GALNTL5: variants seen among roughly 807,000 people sequenced by gnomAD.
The protein encoded by GALNTL5 is polypeptide N-acetylgalactosaminyltransferase like 5, also known as inactive polypeptide N-acetylgalactosaminyltransferase-like protein 5.
In GALNTL5, 44 loss-of-function variants were observed where a neutral mutation model predicts 51.0. The observed-to-expected ratio is 0.86, with a 90% CI of 0.68 to 1.11. The LOEUF is 1.11. Among genes scored for constraint, GALNTL5 ranks in the 50% least tolerant of loss-of-function variants. GALNTL5 has a pLI of 0.00. For missense variants in GALNTL5, 528 were observed against 531.8 expected (o/e 0.99, Z 0.07); for synonymous variants, 192 against 182.8 (o/e 1.05, Z -0.41).
intron 6 of GALNTL5, among the ~76,000 whole-genome samples, chr7:152,007,370 T>C (rs2081658005): frequency 6.6e-6 from 1 of 151,856 alleles, no homozygotes. Flanking sequence ...TAATTTTATA[T>C]ACTTAAATGT....
chr7:151,978,803 T>C (rs565937537), intron 3 of GALNTL5, among the ~76,000 whole-genome samples: 13 of 152,200 alleles, frequency 8.5e-5, no homozygotes, highest in Non-Finnish European at 1.6e-4. Flanking sequence ...TGTATATGTC[T>C]GTCTCTGGGT....
chr7:151,987,479 T>C (rs1563013958), intron 5 of GALNTL5, among the ~76,000 whole-genome samples, 198 bp downstream of exon 5: 1 of 152,196 alleles, frequency 6.6e-6, no homozygotes, highest in Non-Finnish European at 1.5e-5. Context: ...TTTGCTATTT[T>C]GGGTTGAAGA....
chr7:152,000,551 T>C (rs2081561805), intron 5 of GALNTL5, among the ~76,000 whole-genome samples: 1 of 152,154 alleles, frequency 6.6e-6, no homozygotes, highest in African/African-American at 2.4e-5. Flanking sequence ...TGGACAAGTG[T>C]TTCAATTTCT....
Position 151,998,463 on chromosome 7 carries a change from T to C in GALNTL5, c.659-4251T>C, listed in dbSNP as rs115471199. ...TATTTTTAGTATGTAAAATGTACAT[T>C]TAAAATCCATTAAAAATACAACTCC... On this transcript the variant is annotated intron_variant, in intron 5 of 8. Transcript: ENST00000392800. Among the ~76,000 whole-genome samples, 245 of 152,196 alleles carry C rather than the reference T, an allele frequency of 1.6e-3. 1 individual carries two copies. The highest frequency in any genetic ancestry group is 5.6e-3 in the African/African-American group (234 of 41,524).
chr7:151,970,993 A>G lies in GALNTL5; in HGVS notation c.296A>G (p.Lys99Arg). The G allele has an allele frequency of 6.2e-7, 1 of 1,608,752 alleles. No individual in the cohort carries two copies. The highest frequency in any genetic ancestry group is 8.5e-7 in the Non-Finnish European group (1 of 1,175,914). The change falls in exon 3 of 9, where the codon AAA becomes AGA. Residue 99 changes from lysine to arginine, a missense_variant. By Grantham distance (26) the Lys-to-Arg change is conservative (BLOSUM62 2). Coordinates refer to ENST00000392800, the MANE Select transcript of GALNTL5 (RefSeq NM_145292.4). ...CCAGAACTTCATAAAGAACTTTTAA[A>G]ATATGGATTTAATGTGATTATCAGT... is the stretch of plus-strand genomic sequence containing the variant. ...TNPELHKELLKYGFNVIISRS... is the reference protein window; with the variant it reads ...TNPELHKELLRYGFNVIISRS...
chr7:151,989,903 G>GTGT (rs1301761501), intron 5 of GALNTL5, among the ~76,000 whole-genome samples: 4 of 152,076 alleles, frequency 2.6e-5, no homozygotes, highest in African/African-American at 9.7e-5. Context: ...TGTTTCTAAT[G>GTGT]TGTTGTTTGT....
chr7:152,001,612 A>G (rs1298417537), intron 5 of GALNTL5, among the ~76,000 whole-genome samples: 1 of 152,114 alleles, frequency 6.6e-6, no homozygotes, highest in Non-Finnish European at 1.5e-5. Context: ...CCTTACACCA[A>G]TGGCACACTG....
rs557848436 is a variant in GALNTL5 at position 152,011,307 on chromosome 7, G to A, written c.1027-3337G>A. ...TATTGCTCGTGGAAAGTGATGGTTC[G>A]TGGATGCCCACAAAGCTACAGGTTC... On this transcript the variant is annotated intron_variant, in intron 7 of 8. Coordinates refer to ENST00000392800, the MANE Select transcript of GALNTL5 (RefSeq NM_145292.4). Among the ~76,000 whole-genome samples the A allele has an allele frequency of 4.6e-5, 7 of 152,320 alleles. No homozygotes were observed. The East Asian group carries it at 7.7e-4, about 17-fold the overall frequency.
chr7:152,011,488 T>C (rs2081737901), intron 7 of GALNTL5, among the ~76,000 whole-genome samples: 1 of 152,258 alleles, frequency 6.6e-6, no homozygotes, highest in African/African-American at 2.4e-5. Flanking sequence ...CATCCCCAGA[T>C]GCTGGCAAGG....
intron 8 of GALNTL5, among the ~76,000 whole-genome samples, chr7:152,015,409 G>A (rs1173614211): frequency 6.7e-6 from 1 of 149,792 alleles, no homozygotes. Context: ...GCCCAGGCTG[G>A]AGTGCAGTGG....
intron 1 of GALNTL5, among the ~76,000 whole-genome samples, chr7:151,965,817 A>T (rs1475253101): frequency 1.3e-5 from 2 of 152,094 alleles, no homozygotes; most frequent in African/African-American, 2.4e-5. Context: ...AGCCCAGAAA[A>T]TCAAGGCTGC....
chr7:151,989,522 C>G (rs1331145050), intron 5 of GALNTL5, among the ~76,000 whole-genome samples: 1 of 152,082 alleles, frequency 6.6e-6, no homozygotes, highest in Non-Finnish European at 1.5e-5. Flanking sequence ...TTCTTTTTTA[C>G]TATTACCTAA....
At chr7:151,956,783 T>A (rs4357208) in intron 1 of GALNTL5, among the ~76,000 whole-genome samples, 174 bp downstream of exon 1, 32,740 of 152,036 alleles carry the variant, frequency 0.22, 4,035 homozygotes, top group Admixed American at 0.31. Context: ...AGTAGCCTCC[T>A]AGCTGGTTAC....
chr7:152,011,218 G>A (rs1251589773), intron 7 of GALNTL5, among the ~76,000 whole-genome samples: 2 of 152,196 alleles, frequency 1.3e-5, no homozygotes, highest in Admixed American at 1.3e-4. Flanking sequence ...ATCTGAGGCC[G>A]GCAATGTATT....
At chr7:151,982,246 C>G (rs2081301756) in intron 3 of GALNTL5, among the ~76,000 whole-genome samples, 1 of 151,952 alleles carries the variant, frequency 6.6e-6, no homozygotes, top group Non-Finnish European at 1.5e-5. Flanking sequence ...AACACTGTCT[C>G]TACTAAAAAC....
intron 6 of GALNTL5, among the ~76,000 whole-genome samples, chr7:152,007,413 C>CTTTTTTTTT (rs34271081): frequency 9.1e-6 from 1 of 109,952 alleles, no homozygotes; most frequent in African/African-American, 3.4e-5. Context: ...AATGTTTTCT[C>CTTTTTTTTT]TTTTTTTTTT....
intron 8 of GALNTL5, among the ~76,000 whole-genome samples, chr7:152,018,803 G>A (rs758426209): frequency 1.3e-5 from 2 of 152,122 alleles, no homozygotes; most frequent in Non-Finnish European, 2.9e-5. Context: ...CAGTGGTCAC[G>A]GATCCCCAGG....
intron 3 of GALNTL5, among the ~76,000 whole-genome samples, chr7:151,981,019 A>T (rs1182168387): frequency 6.6e-6 from 1 of 152,004 alleles, no homozygotes; most frequent in East Asian, 1.9e-4. Context: ...TGCTGGGATT[A>T]CAGGCTTGAG....
chr7:152,013,685 C>T (rs1245410410), intron 7 of GALNTL5, among the ~76,000 whole-genome samples: 1 of 152,092 alleles, frequency 6.6e-6, no homozygotes, highest in Admixed American at 6.6e-5. Flanking sequence ...AAATCAGAAG[C>T]TACCAAAGTG....
Sources: gnomAD v4.1 joint callset for allele counts (sites outside exome capture counted in the v4.1 genomes callset) on GRCh38, gnomAD v4.1.1 for gene constraint, MANE v1.5 for transcripts, NCBI Gene and HGNC (gene_info 2026-07-23, HGNC 2026-07-21) for gene names.